The following SCFD2 variants were observed in gnomAD, a reference collection of about 807,000 sequenced individuals.
SCFD2 encodes sec1 family domain-containing protein 2.
In SCFD2, 54 loss-of-function variants were observed where a neutral mutation model predicts 58.9. The ratio of observed to expected loss-of-function variants is 0.92; its 90% CI spans 0.74 to 1.15. The LOEUF is 1.15. SCFD2 is among the 50% of genes most tolerant of loss of function. The pLI is 0.00. For missense variants in SCFD2, 805 were observed against 836.6 expected (o/e 0.96, Z 0.47); for synonymous variants, 321 against 335.9 (o/e 0.96, Z 0.49).
At chr4:53,186,018 C>G (rs1727726743) in intron 4 of SCFD2, among the ~76,000 whole-genome samples, 1 of 152,068 alleles carries the variant, frequency 6.6e-6, no homozygotes, top group East Asian at 1.9e-4. Flanking sequence ...ACAGTCAGCA[C>G]TTTTCTAACT....
chr4:53,287,525 G>A (rs183092555), intron 3 of SCFD2, among the ~76,000 whole-genome samples: 17 of 151,922 alleles, frequency 1.1e-4, no homozygotes, highest in African/African-American at 2.7e-4. Flanking sequence ...GTCTGTACCC[G>A]CCCAGAACCA....
intron 7 of SCFD2, among the ~76,000 whole-genome samples, chr4:52,890,254 G>A (rs1482192824): frequency 6.6e-6 from 1 of 152,194 alleles, no homozygotes; most frequent in Admixed American, 6.5e-5. Context: ...TACATTGGGA[G>A]AATCTTGGAA....
At chr4:53,140,364 G>A (rs1432353587) in intron 5 of SCFD2, among the ~76,000 whole-genome samples, 1 of 78,420 alleles carries the variant, frequency 1.3e-5, no homozygotes, top group Non-Finnish European at 2.6e-5. Flanking sequence ...AATAGTATGA[G>A]TAAAATAAAA....
intron 5 of SCFD2, among the ~76,000 whole-genome samples, chr4:52,937,214 G>C (rs766336558): frequency 6.6e-6 from 1 of 152,190 alleles, no homozygotes; most frequent in African/African-American, 2.4e-5. Context: ...AAGTGCAAAG[G>C]CTCTGAGGCA....
intron 8 of SCFD2, among the ~76,000 whole-genome samples, chr4:52,875,048 A>G (rs774906381): frequency 2.0e-5 from 3 of 152,206 alleles, no homozygotes; most frequent in Non-Finnish European, 2.9e-5. Context: ...CCTGCTTTGT[A>G]GATGAAGAAA....
chr4:53,280,808 C>G (rs1731485452), intron 3 of SCFD2, among the ~76,000 whole-genome samples: 1 of 152,090 alleles, frequency 6.6e-6, no homozygotes, highest in Non-Finnish European at 1.5e-5. Context: ...ATAATATATT[C>G]TGCTAAAACT....
chr4:53,239,621 A>G (rs1729827184), intron 4 of SCFD2, among the ~76,000 whole-genome samples: 1 of 152,052 alleles, frequency 6.6e-6, no homozygotes. Flanking sequence ...AGTAGCTGGG[A>G]TTACAGGCAT....
At chr4:53,033,518 A>G (rs563562325) in intron 5 of SCFD2, among the ~76,000 whole-genome samples, 6 of 152,286 alleles carry the variant, frequency 3.9e-5, no homozygotes, top group South Asian at 2.1e-4. Flanking sequence ...CAAAAAATCA[A>G]TGAATCCAGG....
intron 5 of SCFD2, among the ~76,000 whole-genome samples, chr4:52,952,646 A>G (rs1314650456): frequency 6.6e-6 from 1 of 152,228 alleles, no homozygotes; most frequent in South Asian, 2.1e-4. Flanking sequence ...GGCAACATCT[A>G]GGTGACCCCA....
intron 5 of SCFD2, among the ~76,000 whole-genome samples, chr4:53,117,359 G>C (rs1171231629): frequency 1.3e-5 from 2 of 152,134 alleles, no homozygotes; most frequent in Non-Finnish European, 2.9e-5. Context: ...ATATACAGCA[G>C]CTTGGGGTTG....
intron 2 of SCFD2, among the ~76,000 whole-genome samples, chr4:53,352,029 A>G (rs1487551032): frequency 1.3e-5 from 2 of 152,232 alleles, no homozygotes; most frequent in African/African-American, 4.8e-5. Flanking sequence ...GACAAAGTTG[A>G]GAAAGTGACT....
At chr4:53,346,045 C>T (rs1734047453) in intron 2 of SCFD2, among the ~76,000 whole-genome samples, 2 of 152,044 alleles carry the variant, frequency 1.3e-5, no homozygotes, top group African/African-American at 4.8e-5. Flanking sequence ...CACATGTATA[C>T]CTATGTAACA....
intron 4 of SCFD2, among the ~76,000 whole-genome samples, chr4:53,192,154 A>G (rs1727932815): frequency 6.6e-6 from 1 of 152,200 alleles, no homozygotes; most frequent in Non-Finnish European, 1.5e-5. Flanking sequence ...ACTGCTTAAT[A>G]AAAAGAGGAA....
rs979515257 is a variant in SCFD2, at chr4:53,365,346, C to T, written c.596G>A (p.Ser199Asn). 1.9e-6 allele frequency: 3 copies of T among 1,614,076 alleles called. No homozygotes were observed. In the African/African-American group the frequency reaches 4.0e-5, roughly 22 times the overall value. ...SARPDKRKLG[S>N]LGDVDSTTLT... is the part of the protein sequence containing the mutation. ...CGTAGTGGAGTCCACATCACCCAGG[C>T]TTCCCAGCTTCCTCTTGTCCGGTCG... Residue 199 changes from serine to asparagine, a missense_variant, in exon 1 of 9, where the codon AGC (serine) becomes AAC (asparagine). Physicochemically the swap from Ser to Asn is conservative, Grantham distance 46 (BLOSUM62 1). Coordinates refer to ENST00000401642, the MANE Select transcript of SCFD2 (RefSeq NM_152540.4). The surrounding 1 kb of genome is among the most constrained non-coding windows in gnomAD (Gnocchi z 4.3).
At chr4:53,207,952 T>G (rs1434443508) in intron 4 of SCFD2, among the ~76,000 whole-genome samples, 1 of 146,272 alleles carries the variant, frequency 6.8e-6, no homozygotes, top group Non-Finnish European at 1.5e-5. Context: ...TTTCTTTCTT[T>G]TCTTTTCTTT....
chr4:53,335,194 C>CAAAAAAAAAAAAAAAAAAAA (rs56344451), intron 2 of SCFD2, among the ~76,000 whole-genome samples: 46 of 80,532 alleles, frequency 5.7e-4, no homozygotes, highest in Middle Eastern at 0.011. Context: ...GACTCCGTCT[C>CAAAAAAAAAAAAAAAAAAAA]AAAAAAAAAA....
At chr4:53,078,980 G>A (rs552753120) in intron 5 of SCFD2, among the ~76,000 whole-genome samples, 3 of 145,528 alleles carry the variant, frequency 2.1e-5, no homozygotes, top group Admixed American at 7.0e-5. Flanking sequence ...AAACTAAGAG[G>A]TTTAGATTAC....
intron 4 of SCFD2, among the ~76,000 whole-genome samples, chr4:53,201,001 T>A (rs1482532808): frequency 4.2e-5 from 4 of 95,570 alleles, no homozygotes; most frequent in Admixed American, 1.8e-4. Context: ...TAATTTTATT[T>A]TAATTTAATT....
At chr4:52,892,899 A>C (rs112112945) in intron 7 of SCFD2, among the ~76,000 whole-genome samples, 1 of 152,210 alleles carries the variant, frequency 6.6e-6, no homozygotes, top group Admixed American at 6.5e-5. Flanking sequence ...GACTGCCAAA[A>C]TCAAGTTTGT....
Sources: allele counts gnomAD v4.1 joint callset (sites outside exome capture counted in the v4.1 genomes callset), GRCh38; gene constraint gnomAD v4.1.1; non-coding constraint Gnocchi (gnomAD v3.1); transcripts MANE v1.5; gene names NCBI Gene and HGNC (gene_info 2026-07-23, HGNC 2026-07-21).